Variants in SLIT2 observed in about 807,000 individuals in gnomAD.
The protein encoded by SLIT2 is slit homolog 2 protein.
In SLIT2, 41 loss-of-function variants were observed where a neutral mutation model predicts 185.7. The observed-to-expected ratio is 0.22, with a 90% CI of 0.17 to 0.29. The LOEUF is 0.29. SLIT2 is among the 10% of genes least tolerant of loss of function. The pLI, the probability that SLIT2 is intolerant of heterozygous loss-of-function variation, is 1.00. For missense variants in SLIT2, 1,571 were observed against 1,909.0 expected, an observed-to-expected ratio of 0.82 and a Z score of 3.30; for synonymous variants, 693 against 680.2, an observed-to-expected ratio of 1.02 and a Z score of -0.29.
chr4:20,364,292 T>A, intron 4 of SLIT2: 1 of 984,924 alleles, frequency 1.0e-6, no homozygotes, highest in Non-Finnish European at 1.2e-6. Context: ...AGGGTAAGCA[T>A]TAATTTCAAT....
intron 5 of SLIT2, among the ~76,000 whole-genome samples, chr4:20,472,391 T>TATCTATATATCTATATATAGAG (rs1715357626): frequency 1.2e-5 from 1 of 82,584 alleles, no homozygotes; most frequent in Non-Finnish European, 2.2e-5. Context: ...TATATGTAGA[T>TATCTATATATCTATATATAGAG]ATATAGATAT....
At chr4:20,472,620 C>CGATATATCTAGATATATCGATATATATA (rs1715649808) in intron 5 of SLIT2, among the ~76,000 whole-genome samples, 1 of 18,654 alleles carries the variant, frequency 5.4e-5, no homozygotes. Context: ...CTATATATAT[C>CGATATATCTAGATATATCGATATATATA]GATATATCTA....
chr4:20,402,297 A>C (rs554153413), intron 4 of SLIT2, among the ~76,000 whole-genome samples: 1 of 152,034 alleles, frequency 6.6e-6, no homozygotes, highest in African/African-American at 2.4e-5. Context: ...AAGAAAATTA[A>C]GTGGCAGTCA....
intron 4 of SLIT2, among the ~76,000 whole-genome samples, chr4:20,327,642 A>G (rs1297150439): frequency 6.6e-6 from 1 of 152,044 alleles, no homozygotes. Context: ...ACTGGAAAAT[A>G]GAATTATTTC....
chr4:20,472,372 ATATC>A, intron 5 of SLIT2, among the ~76,000 whole-genome samples: 1 of 34,640 alleles, frequency 2.9e-5, no homozygotes, highest in Admixed American at 4.7e-4. Context: ...ATAGATATCT[ATATC>A]TATATATATG....
intron 4 of SLIT2, among the ~76,000 whole-genome samples, chr4:20,422,876 T>G (rs1011534297): frequency 6.6e-6 from 1 of 151,868 alleles, no homozygotes; most frequent in Non-Finnish European, 1.5e-5. Context: ...TCAATATCAT[T>G]CTGATTTTTT....
At position 20,404,597 on chromosome 4, in the gene SLIT2, G is replaced by T. The variant is rs1038527270; in HGVS notation, c.396-63155G>T. On this transcript the variant is annotated intron_variant, in intron 4 of 36. Coordinates refer to ENST00000504154, the MANE Select transcript of SLIT2 (RefSeq NM_004787.4). ...AATCCAGTGCAAAACCTGGTGCAAG[G>T]TGTGTGCTCGAAAAAGTTCACCAAC... Among the ~76,000 whole-genome samples the T allele has an allele frequency of 2.6e-5, 4 of 152,094 alleles. No homozygotes were observed. In the South Asian group the frequency reaches 6.2e-4, roughly 24 times the overall value.
intron 4 of SLIT2, among the ~76,000 whole-genome samples, chr4:20,291,741 T>C (rs1386726486): frequency 6.6e-6 from 1 of 151,968 alleles, no homozygotes; most frequent in East Asian, 1.9e-4. Context: ...TGCAGTAATA[T>C]GTAATCAAAA....
intron 4 of SLIT2, among the ~76,000 whole-genome samples, chr4:20,444,092 T>C (rs1170980833): frequency 6.6e-6 from 1 of 152,158 alleles, no homozygotes; most frequent in Non-Finnish European, 1.5e-5. Context: ...GTGGATATTA[T>C]AGATACTAAT....
chr4:20,425,931 T>C (rs1189197235), intron 4 of SLIT2, among the ~76,000 whole-genome samples: 1 of 152,124 alleles, frequency 6.6e-6, no homozygotes, highest in Non-Finnish European at 1.5e-5. Flanking sequence ...GACCATGAGT[T>C]TTTCAAGACT....
At chr4:20,337,694 A>G (rs1560330054) in intron 4 of SLIT2, among the ~76,000 whole-genome samples, 1 of 152,188 alleles carries the variant, frequency 6.6e-6, no homozygotes, top group Non-Finnish European at 1.5e-5. Flanking sequence ...CTCCACATAA[A>G]CTAAGCCAAA....
At chr4:20,526,612 A>G (rs757962852) in intron 15 of SLIT2, among the ~76,000 whole-genome samples, 12 of 152,192 alleles carry the variant, frequency 7.9e-5, no homozygotes, top group Non-Finnish European at 1.2e-4. Context: ...CTAAATAAAG[A>G]ACAAAAGTCA....
intron 31 of SLIT2, 124 bp from the exon 32 acceptor site, chr4:20,596,291 T>C: frequency 1.1e-6 from 1 of 921,372 alleles, no homozygotes; most frequent in East Asian, 2.5e-5. Context: ...TTAAGAATAC[T>C]TGAAAACTGG....
intron 4 of SLIT2, among the ~76,000 whole-genome samples, chr4:20,371,901 G>C (rs1297072911): frequency 1.3e-5 from 2 of 151,838 alleles, no homozygotes; most frequent in Admixed American, 1.3e-4. Context: ...TTACAAGGAA[G>C]AGCTCCAAAG....
intron 4 of SLIT2, among the ~76,000 whole-genome samples, chr4:20,423,323 A>G (rs750081094): frequency 4.6e-5 from 7 of 151,910 alleles, no homozygotes; most frequent in Non-Finnish European, 5.9e-5. Context: ...CCCTTAGTGA[A>G]CATAATTGAA....
At chr4:20,343,126 A>G (rs2109238643) in intron 4 of SLIT2, among the ~76,000 whole-genome samples, 1 of 152,180 alleles carries the variant, frequency 6.6e-6, no homozygotes, top group African/African-American at 2.4e-5. Context: ...AGCTACTAAC[A>G]CTTATACTCT....
At chr4:20,565,421 A>G (rs1462196690) in intron 26 of SLIT2, among the ~76,000 whole-genome samples, 3 of 152,010 alleles carry the variant, frequency 2.0e-5, no homozygotes, top group Non-Finnish European at 4.4e-5. Flanking sequence ...ACTCATATAT[A>G]ACTTTAGCAA....
Position 20,253,966 on chromosome 4 carries a change from A to C in SLIT2, c.151A>C (p.Arg51=). 6.2e-7 allele frequency: 1 copy of C among 1,603,000 alleles called. No individual in the cohort carries two copies. The highest frequency in any genetic ancestry group is 8.5e-7 in the Non-Finnish European group (1 of 1,179,686). ...CGGGCTGGCGCTGCGCAGCGTGCCC[A>C]GGAATATCCCCCGCAACACCGAGAG... ...CHGLALRSVP[R]NIPRNTERLD... is the part of the protein sequence containing the mutation. The change falls in exon 1 of 37, where the codon AGG becomes CGG. Residue 51 remains arginine (R), a synonymous_variant. Coordinates refer to ENST00000504154, the MANE Select transcript of SLIT2 (RefSeq NM_004787.4).
intron 4 of SLIT2, among the ~76,000 whole-genome samples, chr4:20,402,124 A>G (rs751610752): frequency 6.6e-6 from 1 of 151,764 alleles, no homozygotes; most frequent in Non-Finnish European, 1.5e-5. Context: ...ATAAAAGGAA[A>G]AGACAGGAAG....
Sources: allele counts gnomAD v4.1 joint callset (sites outside exome capture counted in the v4.1 genomes callset), GRCh38; gene constraint gnomAD v4.1.1; transcripts MANE v1.5; gene names NCBI Gene and HGNC (gene_info 2026-07-23, HGNC 2026-07-21).